The following COL22A1 variants were observed in gnomAD, a reference collection of about 807,000 sequenced individuals.
COL22A1 encodes the protein collagen type XXII alpha 1 chain.
A neutral mutation model predicts 248.9 loss-of-function variants in COL22A1; 221 were observed. That is an observed-to-expected ratio of 0.89 (90% CI 0.80 to 0.99). The LOEUF (loss-of-function observed/expected upper bound fraction) is 0.99, where lower values mean the gene tolerates loss of function less well. Ranked by LOEUF, COL22A1 falls within the 50% of genes least tolerant of loss-of-function variation. The pLI is 0.00. For synonymous variants in COL22A1, 891 were observed against 793.4 expected, an observed-to-expected ratio of 1.12 and a Z score of -2.07; for missense variants, 2,240 against 2,179.0, an observed-to-expected ratio of 1.03 and a Z score of -0.56.
chr8:138,668,231 T>C lies in COL22A1; in HGVS notation c.3151-4491A>G, dbSNP rs28361294. On this transcript the variant is annotated intron_variant, in intron 41 of 64. Transcript: ENST00000303045. ...TATACTGAAATATCTACAGACAAAA[T>C]GTGTCTGGAATTTGCTTCAAAATAA... is the stretch of plus-strand genomic sequence containing the variant. Among the ~76,000 whole-genome samples, 37 of 152,120 alleles carry C rather than the reference T, an allele frequency of 2.4e-4. 1 individual carries two copies. Among genetic ancestry groups the C allele is most frequent in the Admixed American group, 9.2e-4 (14 of 15,272 alleles).
At chr8:138,789,753 C>T (rs2131577172) in intron 12 of COL22A1, among the ~76,000 whole-genome samples, 1 of 152,256 alleles carries the variant, frequency 6.6e-6, no homozygotes, top group East Asian at 1.9e-4. Flanking sequence ...CAGGCTTGGC[C>T]CCACTTACTA....
chr8:138,839,035 GC>G (rs1468263416), intron 4 of COL22A1, among the ~76,000 whole-genome samples: 23 of 152,282 alleles, frequency 1.5e-4, no homozygotes, highest in African/African-American at 5.5e-4. Flanking sequence ...GATGCAGGCA[GC>G]TTATGTTTAT....
chr8:138,761,192 T>A (rs1051214409), intron 17 of COL22A1, among the ~76,000 whole-genome samples: 1 of 152,130 alleles, frequency 6.6e-6, no homozygotes, highest in Non-Finnish European at 1.5e-5. Context: ...GGTTATTGTT[T>A]TTTGCACACT....
intron 6 of COL22A1, among the ~76,000 whole-genome samples, chr8:138,822,683 C>T (rs1426538722): frequency 3.3e-5 from 5 of 152,156 alleles, no homozygotes; most frequent in Non-Finnish European, 7.3e-5. Context: ...CCTTTGGCTT[C>T]TAGTTGAGCT....
At chr8:138,695,333 CCT>C (rs1224786167) in intron 32 of COL22A1, among the ~76,000 whole-genome samples, 2 of 152,048 alleles carry the variant, frequency 1.3e-5, no homozygotes, top group Non-Finnish European at 2.9e-5. Context: ...ACTTTTTCTC[CCT>C]CTCTTTCTCT....
chr8:138,703,565 T>C lies in COL22A1; in HGVS notation c.2518-218A>G, dbSNP rs78724026. ...AAACTATTTCAGACATATAAAAACA[T>C]TGTTTTCAGAAGTATCCATATTGAT... On this transcript the variant is annotated intron_variant, in intron 30 of 64. Transcript: ENST00000303045. 5.4e-4 allele frequency among the ~76,000 whole-genome samples: 82 copies of C among 152,290 alleles called. No individual in the cohort carries two copies. In the East Asian group the frequency reaches 0.015, roughly 27 times the overall value.
chr8:138,644,782 T>C (rs888731925), intron 47 of COL22A1, among the ~76,000 whole-genome samples: 5 of 152,228 alleles, frequency 3.3e-5, no homozygotes, highest in Admixed American at 6.5e-5. Context: ...GCTTTTTAAA[T>C]ATATTCATTT....
chr8:138,652,734 G>GTTTTTTTTTTTTTTTTTTTTTT (rs1564146836), intron 45 of COL22A1, among the ~76,000 whole-genome samples: 2 of 45,872 alleles, frequency 4.4e-5, no homozygotes, highest in Non-Finnish European at 6.8e-5. Flanking sequence ...TTCCTTTTCT[G>GTTTTTTTTTTTTTTTTTTTTTT]GTTTTTTTTT....
In COL22A1 at chr8:138,626,223, G is replaced by T; in HGVS notation, c.3684C>A (p.Gly1228=). 6.2e-7 allele frequency: 1 copy of T among 1,607,658 alleles called. No homozygotes were observed. The change falls in exon 51 of 65, where the codon GGC becomes GGA. Residue 1228 remains glycine, a synonymous_variant. Transcript: ENST00000303045. ...CGGGTAATCCAGATGGGCCTTGGGG[G>T]CCAGGAGGGCCTTCTTTCCCCTAAA... ...QGSPGKEGPP[G]PQGPSGLPGI... is the part of the protein sequence containing the mutation.
At chr8:138,735,296 A>G (rs980814409) in intron 23 of COL22A1, among the ~76,000 whole-genome samples, 6 of 152,234 alleles carry the variant, frequency 3.9e-5, no homozygotes, top group African/African-American at 1.4e-4. Context: ...CAGGTGGTAC[A>G]TACTGCAAAT....
At chr8:138,863,925 G>A (rs536428413) in intron 3 of COL22A1, among the ~76,000 whole-genome samples, 4 of 152,266 alleles carry the variant, frequency 2.6e-5, no homozygotes, top group African/African-American at 4.8e-5. Flanking sequence ...TTCCGCTCTC[G>A]GATTTATCAG....
chr8:138,619,323 A>T (rs745755916), intron 53 of COL22A1, 132 bp downstream of exon 53: 1 of 717,366 alleles, frequency 1.4e-6, no homozygotes, highest in Non-Finnish European at 2.4e-6. Flanking sequence ...GCACAGAAGC[A>T]CAGCCGTCTG....
At chr8:138,803,524 A>T (rs1056738514) in intron 10 of COL22A1, among the ~76,000 whole-genome samples, 1 of 151,950 alleles carries the variant, frequency 6.6e-6, no homozygotes, top group Non-Finnish European at 1.5e-5. Context: ...AGTATAATAA[A>T]AAAATAAAAT....
intron 30 of COL22A1, among the ~76,000 whole-genome samples, chr8:138,714,960 CT>C (rs1180302155): frequency 1.3e-5 from 2 of 152,158 alleles, no homozygotes; most frequent in Non-Finnish European, 2.9e-5. Flanking sequence ...GCCCTCACAC[CT>C]GGGCTAATCA....
intron 1 of COL22A1, among the ~76,000 whole-genome samples, chr8:138,901,608 C>T (rs1814579139): frequency 6.6e-6 from 1 of 152,148 alleles, no homozygotes; most frequent in African/African-American, 2.4e-5. Flanking sequence ...CTCAGGCAAT[C>T]TGCCTGCCTC....
chr8:138,885,569 G>T (rs767759878), intron 1 of COL22A1, among the ~76,000 whole-genome samples: 5 of 151,732 alleles, frequency 3.3e-5, no homozygotes, highest in Non-Finnish European at 5.9e-5. Context: ...GTATCACACA[G>T]TTTTTTTTGT....
At chr8:138,737,415 T>G (rs534545341) in intron 23 of COL22A1, 109 bp downstream of exon 23, 162 of 778,796 alleles carry the variant, frequency 2.1e-4, no homozygotes, top group Non-Finnish European at 3.3e-4. Flanking sequence ...AATAGTTTGA[T>G]GAGGTGACCA....
rs11990630 is a variant in COL22A1, at chr8:138,624,391, G to T, written c.3718-606C>A. On this transcript the variant is annotated intron_variant, in intron 51 of 64. Coordinates refer to ENST00000303045, the MANE Select transcript of COL22A1 (RefSeq NM_152888.3). ...TCACAAGGTGCCAGGGAAGTAACAG[G>T]GCCCAGTCTTTGGCTTAAGCCTAAG... is the stretch of plus-strand genomic sequence containing the variant. 2.5e-3 allele frequency among the ~76,000 whole-genome samples: 387 copies of T among 152,204 alleles called. 2 individuals are homozygous for T. Among genetic ancestry groups the T allele is most frequent in the African/African-American group, 9.0e-3 (374 of 41,520 alleles).
intron 14 of COL22A1, 25 bp downstream of exon 14, chr8:138,779,484 G>A: frequency 6.3e-7 from 1 of 1,587,648 alleles, no homozygotes; most frequent in Non-Finnish European, 8.6e-7. Flanking sequence ...AGCATCAGAA[G>A]GGCCCAGCTC....
Sources: allele counts gnomAD v4.1 joint callset (sites outside exome capture counted in the v4.1 genomes callset), GRCh38; gene constraint gnomAD v4.1.1; transcripts MANE v1.5; gene names NCBI Gene and HGNC (gene_info 2026-07-23, HGNC 2026-07-21).